HELZ: variants seen among roughly 807,000 people sequenced by gnomAD.
HELZ encodes the protein ATP-dependent RNA helicase with zinc finger domain.
In HELZ, 23 loss-of-function variants were observed where a neutral mutation model predicts 218.2. The observed-to-expected ratio is 0.11, with a 90% CI of 0.08 to 0.15. The LOEUF is 0.15. HELZ is among the 10% of genes least tolerant of loss of function. HELZ has a pLI of 1.00. For synonymous variants in HELZ, 814 were observed against 829.4 expected (o/e 0.98, Z 0.32); for missense variants, 1,813 against 2,353.7 (o/e 0.77, Z 4.75).
chr17:67,155,466 G>GT (rs1326874989), intron 17 of HELZ, among the ~76,000 whole-genome samples: 1 of 152,134 alleles, frequency 6.6e-6, no homozygotes, highest in East Asian at 1.9e-4. Flanking sequence ...ATGAAAAACA[G>GT]TAAGTATTAT....
intron 3 of HELZ, chr17:67,224,871 TG>T: frequency 1.2e-6 from 1 of 829,548 alleles, no homozygotes; most frequent in Non-Finnish European, 2.1e-6. Flanking sequence ...GTGGCTATGG[TG>T]GGCAAACTAA....
chr17:67,106,275 T>C (rs1045521612), intron 31 of HELZ, among the ~76,000 whole-genome samples: 5 of 132,822 alleles, frequency 3.8e-5, no homozygotes, highest in African/African-American at 2.1e-4. Context: ...TCCATAAAGA[T>C]GCTCTTTAGA....
At chr17:67,098,625 T>C (rs189731630) in intron 31 of HELZ, among the ~76,000 whole-genome samples, 194 of 150,820 alleles carry the variant, frequency 1.3e-3, no homozygotes, top group Admixed American at 2.6e-3. Flanking sequence ...GTGCCTGTAA[T>C]CCCAGCTACT....
Position 67,077,497 on chromosome 17 carries a change from A to AAC in HELZ, c.*753_*754dup, listed in dbSNP as rs1350404002. 6.6e-6 allele frequency: 1 copy of AAC among 152,250 alleles called. No individual in the cohort carries two copies. The highest frequency in any genetic ancestry group is 1.5e-5 in the Non-Finnish European group (1 of 67,996). 9.4% of individuals were successfully genotyped at this position (152,250 alleles called of 1,614,324 possible). ...GCTTCTTGATTTGTTTAAAAAAAAA[A>AAC]ACACACACTATCAAATTAACATTAA... On this transcript the variant is annotated 3_prime_UTR_variant, in exon 33 of 33. Coordinates refer to ENST00000358691, the MANE Select transcript of HELZ (RefSeq NM_014877.4).
chr17:67,102,380 A>G (rs2036957486), intron 31 of HELZ, among the ~76,000 whole-genome samples: 2 of 152,188 alleles, frequency 1.3e-5, no homozygotes, highest in Non-Finnish European at 1.5e-5. Flanking sequence ...TAACTTCTAC[A>G]TTTTCTGTGC....
chr17:67,111,776 G>A (rs2037286989), intron 28 of HELZ, among the ~76,000 whole-genome samples: 2 of 115,284 alleles, frequency 1.7e-5, no homozygotes, highest in African/African-American at 5.8e-5. Context: ...CTCTTCAGAT[G>A]TCTCAGAACC....
At chr17:67,160,715 T>C (rs2038970831) in intron 16 of HELZ, among the ~76,000 whole-genome samples, 182 bp downstream of exon 16, 1 of 152,196 alleles carries the variant, frequency 6.6e-6, no homozygotes. Context: ...AAAAACAGTA[T>C]GTTTTAAGAG....
At chr17:67,222,483 G>C (rs1284343650) in intron 3 of HELZ, among the ~76,000 whole-genome samples, 2 of 152,066 alleles carry the variant, frequency 1.3e-5, no homozygotes, top group Admixed American at 1.3e-4. Context: ...AGCTTTGAGA[G>C]GAAATGACTC....
Position 67,233,268 on chromosome 17 carries a change from G to A in HELZ, c.-19+6165C>T, listed in dbSNP as rs537169533. Among the ~76,000 whole-genome samples, 6 of 152,304 alleles carry A rather than the reference G, an allele frequency of 3.9e-5. No homozygotes were observed. In the East Asian group the frequency reaches 7.7e-4, roughly 20 times the overall value. On this transcript the variant is annotated intron_variant, in intron 3 of 32. Transcript: ENST00000358691. ...CTTGGGAAGCTGAGGTGGGAGAATC[G>A]CTTAAACCTGGGATGCGGAGGCTGC...
At chr17:67,158,381 C>T (rs753793212) in intron 17 of HELZ, among the ~76,000 whole-genome samples, 2 of 152,160 alleles carry the variant, frequency 1.3e-5, no homozygotes, top group Non-Finnish European at 2.9e-5. Flanking sequence ...TTCTCTATTC[C>T]ATTTCACATG....
intron 21 of HELZ, among the ~76,000 whole-genome samples, chr17:67,145,465 ATGATCTAATT>A (rs778580649): frequency 2.0e-5 from 3 of 152,204 alleles, no homozygotes; most frequent in Non-Finnish European, 2.9e-5. Flanking sequence ...CCTAACAATA[ATGATCTAATT>A]GAGAACAATC....
intron 17 of HELZ, among the ~76,000 whole-genome samples, chr17:67,155,799 T>G (rs2038822520): frequency 6.7e-6 from 1 of 149,818 alleles, no homozygotes; most frequent in South Asian, 2.1e-4. Flanking sequence ...ATAGCCCCAC[T>G]GCACTCTATT....
Position 67,089,366 on chromosome 17 carries a change from C to T in HELZ, c.5242-2285G>A, listed in dbSNP as rs535433621. ...CGAAAACTCAGAAAGAAATGGAAGG[C>T]TGATATAAGAGAGAATATTCAATTA... On this transcript the variant is annotated intron_variant, in intron 31 of 32. Transcript: ENST00000358691. Among the ~76,000 whole-genome samples the T allele has an allele frequency of 5.9e-5, 9 of 151,998 alleles. No individual in the cohort carries two copies. In the East Asian group the frequency reaches 1.6e-3, roughly 26 times the overall value.
intron 13 of HELZ, among the ~76,000 whole-genome samples, chr17:67,177,646 TAA>T (rs369803110): frequency 1.4e-5 from 2 of 143,062 alleles, no homozygotes; most frequent in Non-Finnish European, 1.5e-5. Flanking sequence ...ACACAATTGA[TAA>T]AAAAAAAAAG....
chr17:67,078,336 C>A lies in HELZ; in HGVS notation c.5745G>T (p.Lys1915Asn). Residue 1915 changes from lysine (K) to asparagine (N), a missense_variant, in exon 33 of 33, where the codon AAG becomes AAT. Coordinates refer to ENST00000358691, the MANE Select transcript of HELZ (RefSeq NM_014877.4). ...GGAAGAGAGACAGAGGGTCGCTACT[C>A]TTCTTGGCCTGCTCAGGAGGGGGCC... The part of the protein sequence containing the change: ...KPRPPPEQAK[K>N]SSDPLSLFQE... 1 of 1,614,098 alleles carries A rather than the reference C, an allele frequency of 6.2e-7. No individual in the cohort carries two copies. The highest frequency in any genetic ancestry group is 8.5e-7 in the Non-Finnish European group (1 of 1,179,986).
rs1475630103 is a variant in HELZ, at chr17:67,188,662, A to C, written c.865-46T>G. 2 of 1,490,366 alleles carry C rather than the reference A, an allele frequency of 1.3e-6. No individual in the cohort carries two copies. Among genetic ancestry groups the C allele is most frequent in the East Asian group, 2.3e-5 (1 of 43,842 alleles). 92.3% of individuals were successfully genotyped at this position (1,490,366 alleles called of 1,614,324 possible). A position where few individuals can be genotyped will look rare whatever the true frequency, so the allele number is the denominator to read the frequency against. ...TTCATTGAGTACAAGGGGGTGAAAA[A>C]TCCAATTGTAATTGGGCTCTTCAAT... On this transcript the variant is annotated intron_variant, in intron 11 of 32. Transcript: ENST00000358691. This position sits in a 1 kb window ranked among gnomAD's most constrained non-coding sequence, Gnocchi z 4.1.
At chr17:67,242,428 G>GA (rs1306605812) in intron 2 of HELZ, among the ~76,000 whole-genome samples, 2 of 125,306 alleles carry the variant, frequency 1.6e-5, no homozygotes, top group Non-Finnish European at 3.4e-5. Context: ...AAAAAAAAAA[G>GA]AAAAAAAATC....
At chr17:67,122,478 G>A (rs1432816214) in intron 26 of HELZ, among the ~76,000 whole-genome samples, 2 of 151,952 alleles carry the variant, frequency 1.3e-5, no homozygotes, top group African/African-American at 2.4e-5. Flanking sequence ...CCTGGGAGGC[G>A]GAGCTTGCAG....
intron 24 of HELZ, among the ~76,000 whole-genome samples, chr17:67,126,423 C>G (rs1050510707): frequency 2.6e-5 from 4 of 152,136 alleles, no homozygotes; most frequent in African/African-American, 4.8e-5. Flanking sequence ...ACTCAGCATT[C>G]CACATGGTTC....
Sources: gnomAD v4.1 joint callset for allele counts (sites outside exome capture counted in the v4.1 genomes callset) on GRCh38, gnomAD v4.1.1 for gene constraint, Gnocchi (gnomAD v3.1) non-coding constraint, MANE v1.5 for transcripts, NCBI Gene and HGNC (gene_info 2026-07-23, HGNC 2026-07-21) for gene names.